PAM16: variants seen among roughly 807,000 people sequenced by gnomAD.
The protein encoded by PAM16 is mitochondrial import inner membrane translocase subunit TIM16.
PAM16 carries 11 observed loss-of-function variants against 17.9 expected under a neutral mutation model. The ratio of observed to expected loss-of-function variants is 0.62; its 90% CI spans 0.39 to 1.02. The LOEUF is 1.02. Ranked by LOEUF, PAM16 falls within the 50% of genes least tolerant of loss-of-function variation. The pLI, the probability that PAM16 is intolerant of heterozygous loss-of-function variation, is 0.01. For synonymous variants in PAM16, 72 were observed against 67.4 expected (o/e 1.07, Z -0.34); for missense variants, 199 against 165.4 (o/e 1.20, Z -1.11).
chr16:4,350,595 G>A (rs1471428213), intron 1 of PAM16, among the ~76,000 whole-genome samples: 3 of 151,998 alleles, frequency 2.0e-5, no homozygotes, highest in African/African-American at 7.2e-5. Flanking sequence ...TGGAGACCGG[G>A]TTTCATCATG....
rs759696339 is a variant in PAM16 at position 4,351,255 on chromosome 16, G to A, written c.-21C>T. On this transcript the variant is annotated 5_prime_UTR_variant, in exon 1 of 5. Coordinates refer to ENST00000318059, the MANE Select transcript of PAM16 (RefSeq NM_016069.11). ...ACCATGGCAGCCGCTCTGCCTCCGG[G>A]GCTCAAACTCCGACTTCCTGGCCCC... The A allele has an allele frequency of 2.5e-5, 37 of 1,467,720 alleles. No homozygotes were observed. The highest frequency in any genetic ancestry group is 5.4e-5 in the East Asian group (2 of 36,822). The allele number at this position is 1,467,720 out of a possible 1,614,324, so 90.9% of individuals were successfully genotyped here.
At chr16:4,349,034 C>T (rs577935042) in intron 1 of PAM16, among the ~76,000 whole-genome samples, 3 of 149,716 alleles carry the variant, frequency 2.0e-5, no homozygotes, top group Non-Finnish European at 4.4e-5. Flanking sequence ...CGGCTCACTG[C>T]AAGCTCGGCC....
intron 4 of PAM16, among the ~76,000 whole-genome samples, chr16:4,340,708 C>T (rs2053630692): frequency 6.6e-6 from 1 of 152,180 alleles, no homozygotes; most frequent in Non-Finnish European, 1.5e-5. Context: ...TGGGGTGACA[C>T]AGCCTGAGTG....
chr16:4,351,225 G>T lies in PAM16; in HGVS notation c.3+7C>A. ...CCCTCCCCGGTAGCGCCCGACTCGG[G>T]GCTCACCATGGCAGCCGCTCTGCCT... On this transcript the variant is annotated splice_region_variant and intron_variant, in intron 1 of 4. Coordinates refer to ENST00000318059, the MANE Select transcript of PAM16 (RefSeq NM_016069.11). 2.1e-6 allele frequency: 3 copies of T among 1,448,166 alleles called. No homozygotes were observed. Among genetic ancestry groups the T allele is most frequent in the Non-Finnish European group, 9.1e-7 (1 of 1,093,250 alleles). The allele number at this position is 1,448,166 out of a possible 1,614,324, so 89.7% of individuals were successfully genotyped here. A position where few individuals can be genotyped will look rare whatever the true frequency, so the allele number is the denominator to read the frequency against.
chr16:4,343,930 CCCATTCATTCA>C, intron 1 of PAM16: 1 of 398,054 alleles, frequency 2.5e-6, no homozygotes. Flanking sequence ...CATTGGTTCA[CCCATTCATTCA>C]AACATCTGCT....
intron 2 of PAM16, among the ~76,000 whole-genome samples, chr16:4,341,988 T>A (rs2053655933): frequency 6.6e-6 from 1 of 152,146 alleles, no homozygotes; most frequent in African/African-American, 2.4e-5. Flanking sequence ...TCCTAAAGGC[T>A]CAGAGAGTAG....
At chr16:4,340,497 C>A in intron 4 of PAM16, 92 bp from the exon 5 acceptor site, 2 of 1,440,702 alleles carry the variant, frequency 1.4e-6, no homozygotes, top group South Asian at 2.4e-5. Flanking sequence ...CAGCCCAGGT[C>A]CATTTTTTGA....
At chr16:4,349,752 C>T (rs1030663979) in intron 1 of PAM16, among the ~76,000 whole-genome samples, 3 of 152,194 alleles carry the variant, frequency 2.0e-5, no homozygotes, top group East Asian at 3.9e-4. Flanking sequence ...GGGCGACAGA[C>T]AGACATCCTA....
rs1285562088 is a variant in PAM16, at chr16:4,344,743, T to G, written c.4-1452A>C. Among the ~76,000 whole-genome samples the G allele has an allele frequency of 9.5e-4, 8 of 8,390 alleles. 1 individual carries two copies. The highest frequency in any genetic ancestry group is 1.6e-3 in the Non-Finnish European group (8 of 4,882). 5.5% of individuals were successfully genotyped at this position (8,390 alleles called of 152,430 possible). A position where few individuals can be genotyped will look rare whatever the true frequency, so the allele number is the denominator to read the frequency against. On this transcript the variant is annotated intron_variant, in intron 1 of 4. Transcript: ENST00000318059. ...GAGGGGGTTCCGTGAGAGGAGGGGGTTCTGTGAGAGGAGGGGGTTCCGTGA... is the reference window on the plus strand; with the variant it reads ...GAGGGGGTTCCGTGAGAGGAGGGGGGTCTGTGAGAGGAGGGGGTTCCGTGA...
At chr16:4,347,324 G>A (rs1175837608) in intron 1 of PAM16, 1 of 152,190 alleles carries the variant, frequency 6.6e-6, no homozygotes, top group Non-Finnish European at 1.5e-5. Flanking sequence ...CTTTTCTGGA[G>A]AGATGGGGTT....
chr16:4,346,007 CTG>C (rs2053752661), intron 1 of PAM16: 3 of 983,332 alleles, frequency 3.1e-6, no homozygotes, highest in Non-Finnish European at 2.4e-6. Flanking sequence ...AGGCCAATGA[CTG>C]TTGCAAAATA....
At chr16:4,351,009 G>T (rs2053847383) in intron 1 of PAM16, 2 of 321,780 alleles carry the variant, frequency 6.2e-6, no homozygotes, top group Non-Finnish European at 1.1e-5. Context: ...GACCACGTTT[G>T]CCCGGCCTCT....
At chr16:4,342,484 G>A (rs1238643592) in intron 2 of PAM16, among the ~76,000 whole-genome samples, 11 of 149,408 alleles carry the variant, frequency 7.4e-5, no homozygotes, top group African/African-American at 2.5e-4. Context: ...GAGAAACCCC[G>A]TCTCTACTAA....
In PAM16 at chr16:4,341,469, C is replaced by G; in HGVS notation, c.124G>C (p.Gly42Arg). ...RAAADARGRA[G>R]HRSAAASNLS... is the part of the protein sequence containing the mutation. ...TTGGAAGCGGCTGCAGACCGGTGTC[C>G]AGCGCGTCCTCGGGCATCAGCTGCG... The change falls in exon 3 of 5, where the codon GGA (glycine) becomes CGA (arginine). Residue 42 changes from glycine (G) to arginine (R), a missense_variant. By Grantham distance (125) the Gly-to-Arg change is moderately radical. Coordinates refer to ENST00000318059, the MANE Select transcript of PAM16 (RefSeq NM_016069.11). 6.2e-7 allele frequency: 1 copy of G among 1,610,310 alleles called. No homozygotes were observed. Among genetic ancestry groups the G allele is most frequent in the Middle Eastern group, 1.7e-4 (1 of 5,936 alleles).
At chr16:4,350,189 ACTG>A (rs1442398300) in intron 1 of PAM16, among the ~76,000 whole-genome samples, 1 of 150,748 alleles carries the variant, frequency 6.6e-6, no homozygotes, top group Non-Finnish European at 1.5e-5. Flanking sequence ...ATCTTGGTTC[ACTG>A]CAGCCTCTGC....
chr16:4,340,535 C>T, intron 4 of PAM16, 130 bp from the exon 5 acceptor site: 1 of 1,014,778 alleles, frequency 9.9e-7, no homozygotes, highest in Non-Finnish European at 1.4e-6. Context: ...CCAATGCTTC[C>T]TTCAGTGGCA....
chr16:4,343,593 G>A (rs879757535), intron 1 of PAM16: 21 of 1,380,282 alleles, frequency 1.5e-5, no homozygotes, highest in African/African-American at 1.3e-4. Flanking sequence ...TGCAACCACC[G>A]GCTTCAGGAA....
rs771420576 is a variant in PAM16, at chr16:4,341,478, C to T, written c.115G>A (p.Gly39Arg). ...AASRAAADAR[G>R]RAGHRSAAAS... ...GCTGCAGACCGGTGTCCAGCGCGTC[C>T]TCGGGCATCAGCTGCGGCCCGGCTG... The change falls in exon 3 of 5, where the codon GGA becomes AGA. Residue 39 changes from glycine to arginine, a missense_variant. By Grantham distance (125) the Gly-to-Arg change is moderately radical (BLOSUM62 -2). Coordinates refer to ENST00000318059, the MANE Select transcript of PAM16 (RefSeq NM_016069.11). 2 of 1,610,256 alleles carry T rather than the reference C, an allele frequency of 1.2e-6. No homozygotes were observed. The highest frequency in any genetic ancestry group is 2.2e-5 in the East Asian group (1 of 44,838).
intron 1 of PAM16, chr16:4,345,174 A>T (rs558658851): frequency 6.6e-6 from 1 of 152,216 alleles, no homozygotes; most frequent in South Asian, 2.1e-4. Context: ...CATAGGTTGA[A>T]AGCTCATGTG....
Sources: gnomAD v4.1 joint callset for allele counts (sites outside exome capture counted in the v4.1 genomes callset) on GRCh38, gnomAD v4.1.1 for gene constraint, MANE v1.5 for transcripts, NCBI Gene and HGNC (gene_info 2026-07-23, HGNC 2026-07-21) for gene names.